The following PLCD1 variants were observed in gnomAD, a reference collection of about 807,000 sequenced individuals.
PLCD1 encodes phospholipase C delta 1.
Under a neutral mutation model 87.4 loss-of-function variants are expected in PLCD1, and 71 were observed. The ratio of observed to expected loss-of-function variants is 0.81; its 90% confidence interval spans 0.67 to 0.99. The LOEUF (loss-of-function observed/expected upper bound fraction) is 0.99, where lower values mean the gene tolerates loss of function less well. Among genes scored for constraint, PLCD1 ranks in the 50% least tolerant of loss-of-function variants. The pLI is 0.00. For synonymous variants in PLCD1, 348 were observed against 399.2 expected (o/e 0.87, Z 1.53); for missense variants, 867 against 1,001.5 (o/e 0.87, Z 1.81).
At chr3:38,016,274 G>A (rs1453135675) in intron 3 of PLCD1, among the ~76,000 whole-genome samples, 2 of 152,208 alleles carry the variant, frequency 1.3e-5, no homozygotes, top group East Asian at 1.9e-4. Context: ...CAGCAAAGGA[G>A]AGAGCCCTCA....
At position 38,017,443 on chromosome 3, in the gene PLCD1, G is replaced by C. The variant is rs1327286955; in HGVS notation, c.200-724C>G. On this transcript the variant is annotated intron_variant, in intron 2 of 14. Transcript: ENST00000334661. This position sits in a 1 kb window ranked among gnomAD's most constrained non-coding sequence, Gnocchi z 4.7. ...CTTCCCCAGTCCCAAGAGGCAAACT[G>C]GAGGGTCTCCTGCAGGGTTCTGAGA... 6.6e-5 allele frequency among the ~76,000 whole-genome samples: 10 copies of C among 152,140 alleles called. No individual in the cohort carries two copies. Among genetic ancestry groups the C allele is most frequent in the Admixed American group, 2.6e-4 (4 of 15,286 alleles).
At chr3:38,022,446 C>T (rs1700249147) in intron 1 of PLCD1, among the ~76,000 whole-genome samples, 1 of 152,222 alleles carries the variant, frequency 6.6e-6, no homozygotes, top group South Asian at 2.1e-4. Context: ...TCTGCCAGCA[C>T]CCCACCCCAC....
At position 38,008,044 on chromosome 3, in the gene PLCD1, T is replaced by C. The variant is rs1420933687; in HGVS notation, c.2155A>G (p.Ser719Gly). 6.2e-7 allele frequency: 1 copy of C among 1,614,102 alleles called. No individual in the cohort carries two copies. The highest frequency in any genetic ancestry group is 2.2e-5 in the East Asian group (1 of 44,888). ...TTGAGGCTGTTCAAGGGGATGGTAC[T>C]CTGGCCAATGAAGTCATTCTTGGAG... ...ASSKNDFIGQ[S>G]TIPLNSLKQG... The change falls in exon 14 of 15, where the codon AGT becomes GGT. Residue 719 changes from serine to glycine, a missense_variant. Ser to Gly is a moderately conservative substitution (Grantham distance 56). Coordinates refer to ENST00000334661, the MANE Select transcript of PLCD1 (RefSeq NM_006225.4).
intron 1 of PLCD1, among the ~76,000 whole-genome samples, chr3:38,021,529 C>A (rs1314674050): frequency 6.6e-6 from 1 of 152,132 alleles, no homozygotes; most frequent in Non-Finnish European, 1.5e-5. Flanking sequence ...AGGTTCTGTA[C>A]CAACTGATAA....
At chr3:38,016,431 G>A in intron 3 of PLCD1, 60 bp downstream of exon 3, 1 of 1,186,326 alleles carries the variant, frequency 8.4e-7, no homozygotes, top group African/African-American at 1.5e-5. Flanking sequence ...AGTTGCCCTG[G>A]GGATAACCAC....
In PLCD1 at chr3:38,008,216, G is replaced by T; in HGVS notation, c.2035+19C>A. The T allele has an allele frequency of 6.2e-7, 1 of 1,613,764 alleles. No homozygotes were observed. Among genetic ancestry groups the T allele is most frequent in the South Asian group, 1.1e-5 (1 of 91,084 alleles). ...CATGGACACCAGCCCTAGTAGCCCA[G>T]CCCAGGCCCAGCACCTACCATTGTT... On this transcript the variant is annotated intron_variant, in intron 13 of 14. Transcript: ENST00000334661.
chr3:38,021,933 C>G (rs1700239426), intron 1 of PLCD1, among the ~76,000 whole-genome samples: 1 of 152,180 alleles, frequency 6.6e-6, no homozygotes, highest in Non-Finnish European at 1.5e-5. Context: ...ACAGAACCCT[C>G]TGGACCACTT....
rs564868544 is a variant in PLCD1 at position 38,029,371 on chromosome 3, G to A, written c.34+135C>T. On this transcript the variant is annotated intron_variant, in intron 1 of 14. Coordinates refer to ENST00000334661, the MANE Select transcript of PLCD1 (RefSeq NM_006225.4). The stretch of plus-strand genomic sequence containing the variant: ...CGGGCTGAGATTTTCCCAGTCCGGA[G>A]AAGGGGCAGAGAGGCGGGCCCGGGG... 2.4e-3 allele frequency: 1,916 copies of A among 786,664 alleles called. 26 individuals are homozygous for A. The African/African-American group carries it at 0.03, about 12-fold the overall frequency. The allele number at this position is 786,664 out of a possible 1,614,324, so 48.7% of individuals were successfully genotyped here.
chr3:38,010,138 G>A lies in PLCD1; in HGVS notation c.1130C>T (p.Ala377Val). The A allele has an allele frequency of 6.2e-7, 1 of 1,614,240 alleles. No homozygotes were observed. Among genetic ancestry groups the A allele is most frequent in the Non-Finnish European group, 8.5e-7 (1 of 1,180,036 alleles). Residue 377 changes from alanine (A) to valine (V), a missense_variant, in exon 7 of 15, where the codon GCC (alanine) becomes GTC (valine). Transcript: ENST00000334661. ...TGCCAGGGGCACTCCCACCTTGAAG[G>A]CATAGTCCCGGATGGCCCTGAGCAC... ...CDVLRAIRDY[A>V]FKASPYPVIL...
intron 5 of PLCD1, 43 bp downstream of exon 5, chr3:38,011,171 C>A: frequency 6.8e-7 from 1 of 1,471,800 alleles, no homozygotes; most frequent in Non-Finnish European, 9.4e-7. Flanking sequence ...CAGCCCAGTG[C>A]GGCCCTGCGA....
At position 38,007,657 on chromosome 3, in the gene PLCD1, G is replaced by C. The variant is rs1404714205; in HGVS notation, c.*116C>G. The C allele has an allele frequency of 2.5e-6, 2 of 799,584 alleles. No individual in the cohort carries two copies. The highest frequency in any genetic ancestry group is 3.9e-5 in the Admixed American group (2 of 50,902). 49.5% of individuals were successfully genotyped at this position (799,584 alleles called of 1,614,324 possible). A position where few individuals can be genotyped will look rare whatever the true frequency, so the allele number is the denominator to read the frequency against. On this transcript the variant is annotated 3_prime_UTR_variant, in exon 15 of 15. Coordinates refer to ENST00000334661, the MANE Select transcript of PLCD1 (RefSeq NM_006225.4). ...AGCAGACACTATGTTAGGGCTGAAGGCAATTTGGGGGCCTAGCTCTGAGCA... is the reference window on the plus strand; with the variant it reads ...AGCAGACACTATGTTAGGGCTGAAGCCAATTTGGGGGCCTAGCTCTGAGCA...
At chr3:38,020,483 ACTCCTCCCTC>A in intron 1 of PLCD1, 131 bp from the exon 2 acceptor site, 1 of 849,740 alleles carries the variant, frequency 1.2e-6, no homozygotes, top group Non-Finnish European at 1.9e-6. Context: ...AGCTCTGTTT[ACTCCTCCCTC>A]CTCCACCCAT....
At chr3:38,019,850 C>A (rs1371879172) in intron 2 of PLCD1, among the ~76,000 whole-genome samples, 1 of 152,172 alleles carries the variant, frequency 6.6e-6, no homozygotes, top group Non-Finnish European at 1.5e-5. Flanking sequence ...TCCCTCCCTG[C>A]TTCTGAGCCT....
At chr3:38,007,917 G>T (rs750267876) in intron 14 of PLCD1, 59 bp from the exon 15 acceptor site, 1 of 1,591,730 alleles carries the variant, frequency 6.3e-7, no homozygotes, top group African/African-American at 1.4e-5. Context: ...CGGCGGCGGA[G>T]GGGGGGTGGA....
chr3:38,020,876 T>G (rs912157598), intron 1 of PLCD1, among the ~76,000 whole-genome samples: 21 of 152,162 alleles, frequency 1.4e-4, no homozygotes, highest in Non-Finnish European at 3.1e-4. Flanking sequence ...CCAACTCCAA[T>G]AGCTCCAGAA....
At chr3:38,011,497 C>G in intron 4 of PLCD1, 47 bp downstream of exon 4, 1 of 1,614,050 alleles carries the variant, frequency 6.2e-7, no homozygotes, top group Non-Finnish European at 8.5e-7. Context: ...GGGCCGGGGT[C>G]AAGGGCCCCA....
At position 38,010,114 on chromosome 3, in the gene PLCD1, G is replaced by A. The variant is rs1700046289; in HGVS notation, c.1137+17C>T. 8 of 1,614,192 alleles carry A rather than the reference G, an allele frequency of 5.0e-6. No homozygotes were observed. Among genetic ancestry groups the A allele is most frequent in the Non-Finnish European group, 6.8e-6 (8 of 1,179,986 alleles). On this transcript the variant is annotated intron_variant, in intron 7 of 14. Coordinates refer to ENST00000334661, the MANE Select transcript of PLCD1 (RefSeq NM_006225.4). ...ACCCCTAGCATCCCACTCCTCACCT[G>A]CCAGGGGCACTCCCACCTTGAAGGC... is the stretch of plus-strand genomic sequence containing the variant.
Position 38,019,590 on chromosome 3 carries a change from A to G in PLCD1, c.199+598T>C, listed in dbSNP as rs1479202734. Among the ~76,000 whole-genome samples, 4 of 152,158 alleles carry G rather than the reference A, an allele frequency of 2.6e-5. No homozygotes were observed. The South Asian group carries it at 6.2e-4, about 24-fold the overall frequency. On this transcript the variant is annotated intron_variant, in intron 2 of 14. Transcript: ENST00000334661. ...AGCTTTCTTCTCCCTGAGGCCTTGCAGGAGGCTCTCTCCATTTGTGGCCTG... is the reference window on the plus strand; with the variant it reads ...AGCTTTCTTCTCCCTGAGGCCTTGCGGGAGGCTCTCTCCATTTGTGGCCTG...
chr3:38,028,919 A>G (rs1700334498), intron 1 of PLCD1, among the ~76,000 whole-genome samples: 1 of 152,264 alleles, frequency 6.6e-6, no homozygotes, highest in Admixed American at 6.5e-5. Context: ...AGGGTCGCAG[A>G]TGAGGGGATC....
Sources: allele counts gnomAD v4.1 joint callset (sites outside exome capture counted in the v4.1 genomes callset), GRCh38; gene constraint gnomAD v4.1.1; non-coding constraint Gnocchi (gnomAD v3.1); transcripts MANE v1.5; gene names NCBI Gene and HGNC (gene_info 2026-07-23, HGNC 2026-07-21).